The following RHO variants were observed in gnomAD, a reference collection of about 807,000 sequenced individuals.
RHO encodes the protein opsin 2, rod pigment.
RHO carries 21 observed loss-of-function variants against 31.2 expected under a neutral mutation model. The observed-to-expected ratio is 0.67, with a 90% CI of 0.48 to 0.97. The LOEUF is 0.97. Ranked by LOEUF, RHO falls within the 50% of genes least tolerant of loss-of-function variation. The pLI is 0.00. For synonymous variants in RHO, 211 were observed against 196.6 expected (o/e 1.07, Z -0.61); for missense variants, 414 against 479.5 (o/e 0.86, Z 1.28).
chr3:129,534,608 G>A lies in RHO; in HGVS notation c.*890G>A, dbSNP rs1376639826. On this transcript the variant is annotated 3_prime_UTR_variant, in exon 5 of 5. Transcript: ENST00000296271. ...TGAAAAAACAACACTGGGGGAGGGG[G>A]ACGGTGAAGGCCAAGTTCCCAATGA... The A allele has an allele frequency of 1.3e-5, 2 of 152,550 alleles. No homozygotes were observed. Among genetic ancestry groups the A allele is most frequent in the Non-Finnish European group, 2.9e-5 (2 of 68,118 alleles). 9.4% of individuals were successfully genotyped at this position (152,550 alleles called of 1,614,324 possible).
chr3:129,528,929 A>C lies in RHO; in HGVS notation c.196A>C (p.Lys66Gln). The C allele has an allele frequency of 6.2e-7, 1 of 1,614,248 alleles. No individual in the cohort carries two copies. The highest frequency in any genetic ancestry group is 8.5e-7 in the Non-Finnish European group (1 of 1,180,042). Residue 66 changes from lysine (K) to glutamine (Q), a missense_variant, in exon 1 of 5, where the codon AAG becomes CAG. Coordinates refer to ENST00000296271, the MANE Select transcript of RHO (RefSeq NM_000539.3). Reference sequence around the variant, plus strand: ...CACGCTCTACGTCACCGTCCAGCACAAGAAGCTGCGCACGCCTCTCAACTA... The same window carrying C: ...CACGCTCTACGTCACCGTCCAGCACCAGAAGCTGCGCACGCCTCTCAACTA... ...FLTLYVTVQH[K>Q]KLRTPLNYIL...
chr3:129,531,316 A>G (rs924712150), intron 2 of RHO, among the ~76,000 whole-genome samples: 2 of 152,228 alleles, frequency 1.3e-5, no homozygotes, highest in Non-Finnish European at 2.9e-5. Flanking sequence ...CAACTAAGCT[A>G]GGCGCAAATT....
chr3:129,531,485 G>A (rs968685580), intron 2 of RHO, among the ~76,000 whole-genome samples: 4 of 152,348 alleles, frequency 2.6e-5, no homozygotes, highest in African/African-American at 9.6e-5. Context: ...ATGGGGCTGA[G>A]ATGAGACACA....
intron 4 of RHO, 83 bp from the exon 5 acceptor site, chr3:129,533,525 G>C (rs2084799501): frequency 9.7e-7 from 1 of 1,027,704 alleles, no homozygotes; most frequent in African/African-American, 1.6e-5. Flanking sequence ...GCAGGCAAAG[G>C]GTCGGGGCGA....
chr3:129,534,021 GAA>G lies in RHO; in HGVS notation c.*306_*307del. ...GGAACACGAGGATTCTTGCTTTCTG[GAA>G]AAGTGTCCCAGCTTAGGGATAAGTG... is the stretch of plus-strand genomic sequence containing the variant. On this transcript the variant is annotated 3_prime_UTR_variant, in exon 5 of 5. Transcript: ENST00000296271. 1 of 374,130 alleles carries G rather than the reference GAA, an allele frequency of 2.7e-6. No individual in the cohort carries two copies. Among genetic ancestry groups the G allele is most frequent in the Non-Finnish European group, 5.0e-6 (1 of 198,590 alleles). The allele number at this position is 374,130 out of a possible 1,614,324, so 23.2% of individuals were successfully genotyped here. A position where few individuals can be genotyped will look rare whatever the true frequency, so the allele number is the denominator to read the frequency against.
At chr3:129,530,569 A>ACACACACACACAC (rs2084772307) in intron 1 of RHO, among the ~76,000 whole-genome samples, 5 of 106,098 alleles carry the variant, frequency 4.7e-5, no homozygotes, top group African/African-American at 3.2e-4. Context: ...CACACACACA[A>ACACACACACACAC]AACTCCCTAC....
In RHO at chr3:129,532,773, G is replaced by A; in HGVS notation, c.936+1G>A. On this transcript the variant is annotated splice_donor_variant, in intron 4 of 4. Coordinates refer to ENST00000296271, the MANE Select transcript of RHO (RefSeq NM_000539.3). LOFTEE classifies it high-confidence loss of function. This position sits in a 1 kb window ranked among gnomAD's most constrained non-coding sequence, Gnocchi z 5.5. ...CATCTATATCATGATGAACAAGCAGGTGCCTACTGCGGGTGGGAGGGCCCC... is the reference window on the plus strand; with the variant it reads ...CATCTATATCATGATGAACAAGCAGATGCCTACTGCGGGTGGGAGGGCCCC... The A allele has an allele frequency of 3.1e-6, 5 of 1,614,076 alleles. No homozygotes were observed. Among genetic ancestry groups the A allele is most frequent in the Non-Finnish European group, 4.2e-6 (5 of 1,180,060 alleles).
In RHO at chr3:129,528,965, A is replaced by C. The variant is rs1248203737; in HGVS notation, c.232A>C (p.Asn78His). Residue 78 changes from asparagine to histidine, a missense_variant, in exon 1 of 5, where the codon AAC becomes CAC. By Grantham distance (68) the Asn-to-His change is moderately conservative. Coordinates refer to ENST00000296271, the MANE Select transcript of RHO (RefSeq NM_000539.3). ...CACGCCTCTCAACTACATCCTGCTCAACCTAGCCGTGGCTGACCTCTTCAT... is the reference window on the plus strand; with the variant it reads ...CACGCCTCTCAACTACATCCTGCTCCACCTAGCCGTGGCTGACCTCTTCAT... ...LRTPLNYILL[N>H]LAVADLFMVL... The C allele has an allele frequency of 6.2e-7, 1 of 1,614,206 alleles. No homozygotes were observed. The highest frequency in any genetic ancestry group is 8.5e-7 in the Non-Finnish European group (1 of 1,180,038).
At position 129,534,463 on chromosome 3, in the gene RHO, G is replaced by A. The variant is rs1014689707; in HGVS notation, c.*745G>A. The A allele has an allele frequency of 3.9e-5, 6 of 152,278 alleles. No individual in the cohort carries two copies. The highest frequency in any genetic ancestry group is 1.3e-4 in the Admixed American group (2 of 15,290). 9.4% of individuals were successfully genotyped at this position (152,278 alleles called of 1,614,324 possible). On this transcript the variant is annotated 3_prime_UTR_variant, in exon 5 of 5. Coordinates refer to ENST00000296271, the MANE Select transcript of RHO (RefSeq NM_000539.3). ...TGAGATTGGGCATTCAGATGATGGG[G>A]TTTCACCCAACCTTGGGGCAGGTTT...
rs570565774 is a variant in RHO, at chr3:129,534,703, T to C, written c.*985T>C. Reference sequence around the variant, plus strand: ...GGTCCCGTGCCTCCCCTTCCCAATGTGGCCTATGGAGAGACAGGCCTTTCT... The same window carrying C: ...GGTCCCGTGCCTCCCCTTCCCAATGCGGCCTATGGAGAGACAGGCCTTTCT... On this transcript the variant is annotated 3_prime_UTR_variant, in exon 5 of 5. Coordinates refer to ENST00000296271, the MANE Select transcript of RHO (RefSeq NM_000539.3). 1.3e-5 allele frequency: 2 copies of C among 152,776 alleles called. No homozygotes were observed. Among genetic ancestry groups the C allele is most frequent in the Admixed American group, 6.5e-5 (1 of 15,304 alleles). The allele number at this position is 152,776 out of a possible 1,614,324, so 9.5% of individuals were successfully genotyped here. A position where few individuals can be genotyped will look rare whatever the true frequency, so the allele number is the denominator to read the frequency against.
In RHO at chr3:129,530,910, C is replaced by A. The variant is rs1022655604; in HGVS notation, c.396C>A (p.Ala132=). Residue 132 remains alanine, a synonymous_variant, in exon 2 of 5, where the codon GCC becomes GCA. Coordinates refer to ENST00000296271, the MANE Select transcript of RHO (RefSeq NM_000539.3). ...EIALWSLVVL[A]IERYVVVCKP... is the part of the protein sequence containing the mutation. ...CCCTGTGGTCCTTGGTGGTCCTGGC[C>A]ATCGAGCGGTACGTGGTGGTGTGTA... 25 of 1,614,162 alleles carry A rather than the reference C, an allele frequency of 1.5e-5. No homozygotes were observed. Among genetic ancestry groups the A allele is most frequent in the Non-Finnish European group, 1.9e-5 (22 of 1,180,066 alleles).
chr3:129,530,279 G>A (rs2084768911), intron 1 of RHO, among the ~76,000 whole-genome samples: 4 of 152,044 alleles, frequency 2.6e-5, no homozygotes, highest in African/African-American at 9.7e-5. Context: ...AACTTCATGG[G>A]GTGGTGAGCA....
In RHO at chr3:129,533,642, G is replaced by C. The variant is rs780743370; in HGVS notation, c.971G>C (p.Gly324Ala). Residue 324 changes from glycine to alanine, a missense_variant, in exon 5 of 5, where the codon GGC becomes GCC. By Grantham distance (60) the Gly-to-Ala change is moderately conservative (BLOSUM62 0). Coordinates refer to ENST00000296271, the MANE Select transcript of RHO (RefSeq NM_000539.3). ...RNCMLTTICCGKNPLGDDEAS... is the reference protein window; with the variant it reads ...RNCMLTTICCAKNPLGDDEAS... Reference sequence around the variant, plus strand: ...TGCATGCTCACCACCATCTGCTGCGGCAAGAACCCACTGGGTGACGATGAG... The same window carrying C: ...TGCATGCTCACCACCATCTGCTGCGCCAAGAACCCACTGGGTGACGATGAG... The C allele has an allele frequency of 6.2e-7, 1 of 1,614,098 alleles. No homozygotes were observed. The highest frequency in any genetic ancestry group is 2.2e-5 in the East Asian group (1 of 44,866).
Position 129,532,751 on chromosome 3 carries a change from C to A in RHO, c.915C>A (p.Ile305=), listed in dbSNP as rs2084793264. ...AKSAAIYNPV[I]YIMMNKQFRN... is the part of the protein sequence containing the mutation. ...GCGCCGCCATCTACAACCCTGTCATCTATATCATGATGAACAAGCAGGTGC... is the reference window on the plus strand; with the variant it reads ...GCGCCGCCATCTACAACCCTGTCATATATATCATGATGAACAAGCAGGTGC... Residue 305 remains isoleucine, a synonymous_variant, in exon 4 of 5, where the codon ATC becomes ATA. Transcript: ENST00000296271. This position sits in a 1 kb window ranked among gnomAD's most constrained non-coding sequence, Gnocchi z 5.5. 2 of 1,614,220 alleles carry A rather than the reference C, an allele frequency of 1.2e-6. No homozygotes were observed. Among genetic ancestry groups the A allele is most frequent in the Non-Finnish European group, 1.7e-6 (2 of 1,180,046 alleles).
In RHO at chr3:129,533,835, C is replaced by T. The variant is rs2084802844; in HGVS notation, c.*117C>T. On this transcript the variant is annotated 3_prime_UTR_variant, in exon 5 of 5. Transcript: ENST00000296271. ...TGCAGAATGAACGAAGTCACATAGG[C>T]TCCTTAATTTTTTTTTTTTTTTTAA... The T allele has an allele frequency of 1.2e-5, 8 of 676,622 alleles. No individual in the cohort carries two copies. The highest frequency in any genetic ancestry group is 9.8e-5 in the South Asian group (6 of 61,156). The allele number at this position is 676,622 out of a possible 1,614,324, so 41.9% of individuals were successfully genotyped here.
rs2084758349 is a variant in RHO, at chr3:129,528,976, G to A, written c.243G>A (p.Val81=). The stretch of plus-strand genomic sequence containing the variant: ...ACTACATCCTGCTCAACCTAGCCGT[G>A]GCTGACCTCTTCATGGTCCTAGGTG... ...PLNYILLNLA[V]ADLFMVLGGF... is the part of the protein sequence containing the mutation. The change falls in exon 1 of 5, where the codon GTG becomes GTA. Residue 81 remains valine (V), a synonymous_variant. Transcript: ENST00000296271. 1 of 1,614,096 alleles carries A rather than the reference G, an allele frequency of 6.2e-7. No homozygotes were observed. Among genetic ancestry groups the A allele is most frequent in the African/African-American group, 1.3e-5 (1 of 74,914 alleles).
In RHO at chr3:129,528,823, C is replaced by A. The variant is rs1245030121; in HGVS notation, c.90C>A (p.Tyr30Ter). The stretch of plus-strand genomic sequence containing the variant: ...GCCCCTTCGAGTACCCACAGTACTA[C>A]CTGGCTGAGCCATGGCAGTTCTCCA... ...VRSPFEYPQY[Y>*]LAEPWQFSML... is the part of the protein sequence containing the mutation. Residue 30 changes from tyrosine (Y) to a stop codon, truncating the protein, a stop_gained, in exon 1 of 5, where the codon TAC becomes TAA. Transcript: ENST00000296271. LOFTEE classifies it high-confidence loss of function. The A allele has an allele frequency of 6.2e-7, 1 of 1,614,128 alleles. No individual in the cohort carries two copies. The highest frequency in any genetic ancestry group is 1.7e-5 in the Admixed American group (1 of 60,008).
chr3:129,532,393 C>A lies in RHO; in HGVS notation c.673C>A (p.Gln225Lys). 1 of 1,614,048 alleles carries A rather than the reference C, an allele frequency of 6.2e-7. No individual in the cohort carries two copies. The highest frequency in any genetic ancestry group is 8.5e-7 in the Non-Finnish European group (1 of 1,180,010). ...GATTATCATCTTTTTCTGCTATGGG[C>A]AGCTCGTCTTCACCGTCAAGGAGGT... ...PMIIIFFCYG[Q>K]LVFTVKEAAA... is the part of the protein sequence containing the mutation. Residue 225 changes from glutamine (Q) to lysine (K), a missense_variant, in exon 3 of 5, where the codon CAG becomes AAG. Transcript: ENST00000296271. This position sits in a 1 kb window ranked among gnomAD's most constrained non-coding sequence, Gnocchi z 5.5.
chr3:129,530,533 A>ACAACACACACACACAC lies in RHO; in HGVS notation c.362-343_362-342insCAACACACACACACAC, dbSNP rs1553781099. Among the ~76,000 whole-genome samples, 306 of 122,886 alleles carry ACAACACACACACACAC rather than the reference A, an allele frequency of 2.5e-3. 4 individuals carry two copies. The highest frequency in any genetic ancestry group is 0.012 in the African/African-American group (287 of 24,546). The allele number at this position is 122,886 out of a possible 152,430, so 80.6% of individuals were successfully genotyped here. A position where few individuals can be genotyped will look rare whatever the true frequency, so the allele number is the denominator to read the frequency against. On this transcript the variant is annotated intron_variant, in intron 1 of 4. Coordinates refer to ENST00000296271, the MANE Select transcript of RHO (RefSeq NM_000539.3). ...CACACACACACACACACACACACAC[A>ACAACACACACACACAC]ACACACACACACACACACACACACA...
Sources: allele counts gnomAD v4.1 joint callset (sites outside exome capture counted in the v4.1 genomes callset), GRCh38; gene constraint gnomAD v4.1.1; non-coding constraint Gnocchi (gnomAD v3.1); transcripts MANE v1.5; gene names NCBI Gene and HGNC (gene_info 2026-07-23, HGNC 2026-07-21).